The following PCDHGA8 variants were observed in gnomAD, a reference collection of about 807,000 sequenced individuals.
PCDHGA8 encodes protocadherin gamma-A8.
A neutral mutation model predicts 59.2 loss-of-function variants in PCDHGA8; 45 were observed. The observed-to-expected ratio is 0.76, with a 90% CI of 0.60 to 0.98. The LOEUF (loss-of-function observed/expected upper bound fraction) is 0.98. Ranked by LOEUF, PCDHGA8 falls within the 50% of genes least tolerant of loss-of-function variation. The pLI is 0.00. For missense variants in PCDHGA8, 1,257 were observed against 1,196.2 expected (o/e 1.05, Z -0.75); for synonymous variants, 531 against 519.0 (o/e 1.02, Z -0.32).
intron 2 of PCDHGA8, among the ~76,000 whole-genome samples, chr5:141,500,881 T>G (rs940387787): frequency 1.0e-5 from 1 of 99,136 alleles, no homozygotes; most frequent in Non-Finnish European, 1.9e-5. Context: ...TTTACAATTT[T>G]TTTTTTTTGA....
At chr5:141,478,460 C>G (rs759992881) in intron 1 of PCDHGA8, 1 of 1,613,344 alleles carries the variant, frequency 6.2e-7, no homozygotes, top group East Asian at 2.2e-5. Flanking sequence ...AGCCAGTCCA[C>G]TGGCCAGCCG....
Position 141,486,632 on chromosome 5 carries a change from A to G in PCDHGA8, c.2425-8175A>G, listed in dbSNP as rs1304397413. The G allele has an allele frequency of 6.2e-7, 1 of 1,613,580 alleles. No individual in the cohort carries two copies. Among genetic ancestry groups the G allele is most frequent in the Non-Finnish European group, 8.5e-7 (1 of 1,180,040 alleles). ...AGCCTCTGACCCAGACTCTGGCTTG[A>G]ATGCGCTTATCTCCTACTCACTCCT... On this transcript the variant is annotated intron_variant, in intron 1 of 3. Coordinates refer to ENST00000398604, the MANE Select transcript of PCDHGA8 (RefSeq NM_032088.2). This position sits in a 1 kb window ranked among gnomAD's most constrained non-coding sequence, Gnocchi z 5.0.
chr5:141,400,067 A>G lies in PCDHGA8; in HGVS notation c.2424+4830A>G, dbSNP rs761746196. On this transcript the variant is annotated intron_variant, in intron 1 of 3. Coordinates refer to ENST00000398604, the MANE Select transcript of PCDHGA8 (RefSeq NM_032088.2). ...CTGGTTGCTGTGCGTGATGGTGGAC[A>G]GCCGCCACTCTCCGCCACCGCCACG... is the stretch of plus-strand genomic sequence containing the variant. 1.3e-5 allele frequency: 21 copies of G among 1,613,654 alleles called. No individual in the cohort carries two copies. The highest frequency in any genetic ancestry group is 1.7e-4 in the Middle Eastern group (1 of 5,998).
intron 1 of PCDHGA8, chr5:141,421,262 GGCT>G (rs748368476): frequency 2.1e-5 from 34 of 1,608,226 alleles, no homozygotes; most frequent in Admixed American, 5.1e-5. Flanking sequence ...GACCGCAGTC[GGCT>G]GCTGCTGCTG....
In PCDHGA8 at chr5:141,440,050, G is replaced by C. The variant is rs747798063; in HGVS notation, c.2424+44813G>C. On this transcript the variant is annotated intron_variant, in intron 1 of 3. Coordinates refer to ENST00000398604, the MANE Select transcript of PCDHGA8 (RefSeq NM_032088.2). ...GTGTCGAGGACATGCCCACTTGAAA[G>C]CTTCGGGTTAATGCTGAGGAATAAT... 6 of 152,826 alleles carry C rather than the reference G, an allele frequency of 3.9e-5. No homozygotes were observed. The East Asian group carries it at 1.2e-3, about 29-fold the overall frequency. 9.5% of individuals were successfully genotyped at this position (152,826 alleles called of 1,614,324 possible). A position where few individuals can be genotyped will look rare whatever the true frequency, so the allele number is the denominator to read the frequency against.
chr5:141,405,242 A>G, intron 1 of PCDHGA8: 1 of 1,614,156 alleles, frequency 6.2e-7, no homozygotes, highest in Non-Finnish European at 8.5e-7. Flanking sequence ...CGCTGACTCA[A>G]GGAAGAGTCA....
chr5:141,404,021 A>G, intron 1 of PCDHGA8: 1 of 1,613,894 alleles, frequency 6.2e-7, no homozygotes, highest in Non-Finnish European at 8.5e-7. Flanking sequence ...TAGCCCAGTG[A>G]GAGAAGACGC....
At chr5:141,504,352 G>A (rs2099837588) in intron 2 of PCDHGA8, among the ~76,000 whole-genome samples, 3 of 152,016 alleles carry the variant, frequency 2.0e-5, no homozygotes, top group Admixed American at 1.3e-4. Flanking sequence ...TTTGTGCTAG[G>A]TGCTTCAGTA....
rs745601350 is a variant in PCDHGA8, at chr5:141,393,980, T to C, written c.1167T>C (p.Asn389=). The C allele has an allele frequency of 8.2e-5, 132 of 1,613,686 alleles. No homozygotes were observed. Among genetic ancestry groups the C allele is most frequent in the Admixed American group, 6.7e-5 (4 of 59,964 alleles). Residue 389 remains asparagine (N), a synonymous_variant, in exon 1 of 4, where the codon AAT becomes AAC. Coordinates refer to ENST00000398604, the MANE Select transcript of PCDHGA8 (RefSeq NM_032088.2). ...NGQVVCYTRD[N]LPFKLEKSIG... is the part of the protein sequence containing the mutation. ...AAGTTGTCTGTTACACACGTGATAA[T>C]TTACCTTTTAAATTAGAAAAGTCAA...
At chr5:141,421,296 G>C in intron 1 of PCDHGA8, 1 of 1,613,444 alleles carries the variant, frequency 6.2e-7, no homozygotes, top group Non-Finnish European at 8.5e-7. Context: ...TCCTGGGGAC[G>C]CTGCGGGGGT....
chr5:141,490,488 C>A lies in PCDHGA8; in HGVS notation c.2425-4319C>A, dbSNP rs142637733. 6.2e-7 allele frequency: 1 copy of A among 1,614,018 alleles called. No homozygotes were observed. Among genetic ancestry groups the A allele is most frequent in the African/African-American group, 1.3e-5 (1 of 74,904 alleles). ...CCAGCCAGCCTTTGGACCGGGAGGC[C>A]ACATCCCACTATATCATCGAGCTGC... On this transcript the variant is annotated intron_variant, in intron 1 of 3. Coordinates refer to ENST00000398604, the MANE Select transcript of PCDHGA8 (RefSeq NM_032088.2). The surrounding 1 kb of genome is among the most constrained non-coding windows in gnomAD (Gnocchi z 5.4).
chr5:141,433,093 G>A (rs1203083573), intron 1 of PCDHGA8: 4 of 1,614,206 alleles, frequency 2.5e-6, no homozygotes, highest in Admixed American at 1.7e-5. Flanking sequence ...ATGCAGACAT[G>A]CTCGTCAGCC....
chr5:141,505,883 T>C (rs1225759976), intron 3 of PCDHGA8, among the ~76,000 whole-genome samples: 1 of 152,118 alleles, frequency 6.6e-6, no homozygotes, highest in East Asian at 1.9e-4. Flanking sequence ...GTTGTAGAGA[T>C]TAAATGAGAT....
chr5:141,417,141 C>T (rs1455831459), intron 1 of PCDHGA8: 1 of 152,018 alleles, frequency 6.6e-6, no homozygotes, highest in Non-Finnish European at 1.5e-5. Context: ...ATGACTAGGG[C>T]AATGGTTGCA....
intron 1 of PCDHGA8, among the ~76,000 whole-genome samples, chr5:141,434,703 G>C (rs1198306104): frequency 6.6e-6 from 1 of 151,730 alleles, no homozygotes; most frequent in Non-Finnish European, 1.5e-5. Context: ...TAAATATGTG[G>C]GTAAATCTCT....
At chr5:141,480,085 A>G (rs2099512286) in intron 1 of PCDHGA8, among the ~76,000 whole-genome samples, 1 of 152,216 alleles carries the variant, frequency 6.6e-6, no homozygotes, top group Admixed American at 6.5e-5. Context: ...TGCATGATAT[A>G]ATGTATGCAA....
chr5:141,449,484 A>G (rs1003440539), intron 1 of PCDHGA8, among the ~76,000 whole-genome samples: 2 of 150,848 alleles, frequency 1.3e-5, no homozygotes, highest in Non-Finnish European at 3.0e-5. Context: ...CCCCATGCCT[A>G]AGGGTGAGGC....
chr5:141,426,794 G>C (rs1319220934), intron 1 of PCDHGA8: 1 of 456,708 alleles, frequency 2.2e-6, no homozygotes, highest in East Asian at 6.9e-5. Flanking sequence ...AGAGTTACCA[G>C]CTCAGTTCTA....
Position 141,493,685 on chromosome 5 carries a change from G to A in PCDHGA8, c.2425-1122G>A, listed in dbSNP as rs139973755. ...CCATGGCAGCCCCAGAATGGTGCTG[G>A]TGACTCCCGATACACCTGGAATGCT... On this transcript the variant is annotated intron_variant, in intron 1 of 3. Transcript: ENST00000398604. The surrounding 1 kb of genome is among the most constrained non-coding windows in gnomAD (Gnocchi z 4.3). 1.1e-3 allele frequency among the ~76,000 whole-genome samples: 165 copies of A among 152,282 alleles called. 3 individuals carry two copies. The highest frequency in any genetic ancestry group is 8.2e-3 in the Admixed American group (125 of 15,298).
Sources: gnomAD v4.1 joint callset for allele counts (sites outside exome capture counted in the v4.1 genomes callset) on GRCh38, gnomAD v4.1.1 for gene constraint, Gnocchi (gnomAD v3.1) non-coding constraint, MANE v1.5 for transcripts, NCBI Gene and HGNC (gene_info 2026-07-23, HGNC 2026-07-21) for gene names.